Variants in ZNF521 observed in about 807,000 individuals in gnomAD.
ZNF521 encodes LYST-interacting protein 3.
A neutral mutation model predicts 105.5 loss-of-function variants in ZNF521; 14 were observed. The ratio of observed to expected loss-of-function variants is 0.13; its 90% CI spans 0.09 to 0.21. The LOEUF is 0.21. Among genes scored for constraint, ZNF521 ranks in the 10% least tolerant of loss-of-function variants. The pLI, the probability that ZNF521 is intolerant of heterozygous loss-of-function variation, is 1.00. For missense variants in ZNF521, 1,233 were observed against 1,629.7 expected (o/e 0.76, Z 4.19); for synonymous variants, 635 against 606.0 (o/e 1.05, Z -0.70).
At chr18:25,245,819 C>T (rs577207126) in intron 3 of ZNF521, among the ~76,000 whole-genome samples, 1 of 152,072 alleles carries the variant, frequency 6.6e-6, no homozygotes, top group Admixed American at 6.6e-5. Flanking sequence ...TCAGGACTAG[C>T]CTGAGCAACA....
intron 5 of ZNF521, among the ~76,000 whole-genome samples, chr18:25,120,265 A>T (rs983029602): frequency 1.3e-5 from 2 of 152,130 alleles, no homozygotes; most frequent in African/African-American, 2.4e-5. Flanking sequence ...CTTAATATCA[A>T]CCCCTTAAAC....
chr18:25,212,550 T>TATATATATACATATATAC (rs1568012317), intron 4 of ZNF521, among the ~76,000 whole-genome samples: 3 of 109,182 alleles, frequency 2.7e-5, no homozygotes, highest in African/African-American at 1.2e-4. Flanking sequence ...TATATATATA[T>TATATATATACATATATAC]ATATATATAT....
At position 25,225,323 on chromosome 18, in the gene ZNF521, G is replaced by T; in HGVS notation, c.2595C>A (p.Ser865Arg). ...EVELQTLLTN[S>R]QESHNSHDGS... ...CATCGTGACTGTTGTGGGACTCCTGGCTGTTGGTCAGCAAAGTCTGCAGCT... is the reference window on the plus strand; with the variant it reads ...CATCGTGACTGTTGTGGGACTCCTGTCTGTTGGTCAGCAAAGTCTGCAGCT... The change falls in exon 4 of 8, where the codon AGC (serine) becomes AGA (arginine). Residue 865 changes from serine to arginine, a missense_variant. Physicochemically the swap from Ser to Arg is moderately radical, Grantham distance 110. Coordinates refer to ENST00000361524, the MANE Select transcript of ZNF521 (RefSeq NM_015461.3). The surrounding 1 kb of genome is among the most constrained non-coding windows in gnomAD (Gnocchi z 5.6). 6.2e-7 allele frequency: 1 copy of T among 1,614,140 alleles called. No homozygotes were observed. Among genetic ancestry groups the T allele is most frequent in the South Asian group, 1.1e-5 (1 of 91,070 alleles).
chr18:25,310,287 T>A (rs1029564435), intron 3 of ZNF521, among the ~76,000 whole-genome samples: 2 of 152,182 alleles, frequency 1.3e-5, no homozygotes, highest in Non-Finnish European at 2.9e-5. Flanking sequence ...ATACTAATAT[T>A]AATTATGCAT....
chr18:25,178,456 G>A (rs376029107), intron 5 of ZNF521, among the ~76,000 whole-genome samples: 2 of 152,142 alleles, frequency 1.3e-5, no homozygotes, highest in South Asian at 2.1e-4. Flanking sequence ...TTGCAGAGAC[G>A]TGAACATTTT....
At chr18:25,349,759 G>A (rs982847571) in intron 2 of ZNF521, among the ~76,000 whole-genome samples, 1 of 150,748 alleles carries the variant, frequency 6.6e-6, no homozygotes, top group Non-Finnish European at 1.5e-5. Context: ...GCGGGGCCGG[G>A]CCGCGCGGAC....
At chr18:25,121,399 C>A (rs777690018) in intron 5 of ZNF521, among the ~76,000 whole-genome samples, 1 of 151,734 alleles carries the variant, frequency 6.6e-6, no homozygotes, top group Non-Finnish European at 1.5e-5. Flanking sequence ...ACTACAGGCA[C>A]CTGCCACCAT....
chr18:25,167,236 A>T (rs556311764), intron 5 of ZNF521, among the ~76,000 whole-genome samples: 2 of 152,346 alleles, frequency 1.3e-5, no homozygotes. Flanking sequence ...ATTCACATTC[A>T]CAATTTTCCA....
chr18:25,065,182 T>A (rs28539379), intron 7 of ZNF521, among the ~76,000 whole-genome samples: 24,395 of 152,162 alleles, frequency 0.16, 2,064 homozygotes, highest in East Asian at 0.18. Flanking sequence ...TTTTTATTTT[T>A]AAAAAGTCCA....
intron 5 of ZNF521, among the ~76,000 whole-genome samples, chr18:25,181,508 A>G (rs929098109): frequency 2.6e-5 from 4 of 152,162 alleles, no homozygotes; most frequent in African/African-American, 9.7e-5. Flanking sequence ...CTGCCCCACT[A>G]CAGGTGAGGA....
intron 4 of ZNF521, chr18:25,202,366 T>C (rs998879986): frequency 6.6e-6 from 1 of 152,198 alleles, no homozygotes; most frequent in African/African-American, 2.4e-5. Context: ...TTATATTATA[T>C]TCAGTATCAC....
At chr18:25,196,624 C>T (rs189508932) in intron 4 of ZNF521, among the ~76,000 whole-genome samples, 12 of 151,692 alleles carry the variant, frequency 7.9e-5, no homozygotes, top group African/African-American at 2.7e-4. Context: ...AGGCATATTG[C>T]GAACTGAATG....
At chr18:25,148,236 G>A (rs2034981935) in intron 5 of ZNF521, among the ~76,000 whole-genome samples, 1 of 152,190 alleles carries the variant, frequency 6.6e-6, no homozygotes, top group African/African-American at 2.4e-5. Context: ...ATGTATGAAT[G>A]TGAAGCATAA....
At chr18:25,272,074 AC>A (rs1169295774) in intron 3 of ZNF521, among the ~76,000 whole-genome samples, 2 of 152,216 alleles carry the variant, frequency 1.3e-5, no homozygotes, top group African/African-American at 4.8e-5. Flanking sequence ...CAAGAAAAAA[AC>A]AACCCCATCA....
In ZNF521 at chr18:25,224,833, C is replaced by A; in HGVS notation, c.3085G>T (p.Val1029Leu). 6.2e-7 allele frequency: 1 copy of A among 1,614,080 alleles called. No individual in the cohort carries two copies. The highest frequency in any genetic ancestry group is 8.5e-7 in the Non-Finnish European group (1 of 1,180,026). Residue 1029 changes from valine to leucine, a missense_variant, in exon 4 of 8, where the codon GTG (valine) becomes TTG (leucine). By Grantham distance (32) the Val-to-Leu change is conservative (BLOSUM62 1). Coordinates refer to ENST00000361524, the MANE Select transcript of ZNF521 (RefSeq NM_015461.3). ...GFRCVVCMQT[V>L]TSTLELKIHG... is the part of the protein sequence containing the mutation. ...ATTTTGAGTTCCAAGGTGGAGGTCA[C>A]TGTCTGCATGCACACCACGCAGCGA...
rs1910067864 is a variant in ZNF521, at chr18:25,276,950, AGGCG to A, written c.220+45054_220+45057del. On this transcript the variant is annotated intron_variant, in intron 3 of 7. Transcript: ENST00000361524. ...ATAATCCCAGCACTTTGGGAGACCA[AGGCG>A]GGTGGATCACCTAAGGTCAGGAGTT... 2.0e-5 allele frequency among the ~76,000 whole-genome samples: 3 copies of A among 152,222 alleles called. No individual in the cohort carries two copies. The South Asian group carries it at 6.2e-4, about 32-fold the overall frequency.
intron 3 of ZNF521, among the ~76,000 whole-genome samples, chr18:25,246,932 T>C (rs188890115): frequency 2.0e-5 from 3 of 152,254 alleles, no homozygotes; most frequent in African/African-American, 7.2e-5. Flanking sequence ...ACAACACCCA[T>C]TCCCAGACTA....
At chr18:25,313,887 G>A (rs1473660076) in intron 3 of ZNF521, among the ~76,000 whole-genome samples, 1 of 152,090 alleles carries the variant, frequency 6.6e-6, no homozygotes, top group African/African-American at 2.4e-5. Flanking sequence ...GGCTTAGGGA[G>A]ATTTGGAGAA....
intron 4 of ZNF521, among the ~76,000 whole-genome samples, chr18:25,200,297 C>T (rs1290968206): frequency 1.3e-5 from 2 of 152,102 alleles, no homozygotes; most frequent in Admixed American, 1.3e-4. Flanking sequence ...CCTTAGGCTC[C>T]CAGTCCCAGA....
Sources: allele counts gnomAD v4.1 joint callset (sites outside exome capture counted in the v4.1 genomes callset), GRCh38; gene constraint gnomAD v4.1.1; non-coding constraint Gnocchi (gnomAD v3.1); transcripts MANE v1.5; gene names NCBI Gene and HGNC (gene_info 2026-07-23, HGNC 2026-07-21).